The following ELMO1 variants were observed in gnomAD, a reference collection of about 807,000 sequenced individuals.
The protein encoded by ELMO1 is engulfment and cell motility protein 1.
Under a neutral mutation model 98.9 loss-of-function variants are expected in ELMO1, and 26 were observed. The observed-to-expected ratio is 0.26, with a 90% CI of 0.19 to 0.36. The LOEUF (loss-of-function observed/expected upper bound fraction) is 0.36, where lower values mean the gene tolerates loss of function less well. Ranked by LOEUF, ELMO1 falls within the 10% of genes least tolerant of loss-of-function variation. The probability of loss-of-function intolerance (pLI) is 1.00; values close to 1 mark genes in which losing one functional copy is unlikely to be tolerated. For synonymous variants in ELMO1, 346 were observed against 346.0 expected (o/e 1.00, Z 0.00); for missense variants, 627 against 935.2 (o/e 0.67, Z 4.30).
intron 16 of ELMO1, among the ~76,000 whole-genome samples, chr7:37,004,518 T>G (rs1792909490): frequency 6.6e-6 from 1 of 152,168 alleles, no homozygotes; most frequent in East Asian, 1.9e-4. Context: ...TCCTCCTAAT[T>G]GGCAAATCTC....
At chr7:37,225,728 A>G (rs1274713226) in intron 8 of ELMO1, among the ~76,000 whole-genome samples, 1 of 152,212 alleles carries the variant, frequency 6.6e-6, no homozygotes, top group Non-Finnish European at 1.5e-5. Context: ...ATTAATCACT[A>G]AATCCCCAAA....
At chr7:37,133,060 C>T (rs940501891) in intron 14 of ELMO1, 70 bp downstream of exon 14, 38 of 1,201,368 alleles carry the variant, frequency 3.2e-5, no homozygotes, top group East Asian at 1.6e-4. Context: ...GTAATCCCTC[C>T]GTATTTGTGA....
At position 36,930,149 on chromosome 7, in the gene ELMO1, C is replaced by G. The variant is rs753176752; in HGVS notation, c.1438-35132G>C. On this transcript the variant is annotated intron_variant, in intron 16 of 21. Coordinates refer to ENST00000310758, the MANE Select transcript of ELMO1 (RefSeq NM_014800.11). ...CAACTGAACTGACTACCCTGGTGTA[C>G]GGGTCTCCCCAGCCCATGGGCAAGC... 4.6e-5 allele frequency among the ~76,000 whole-genome samples: 7 copies of G among 152,192 alleles called. No individual in the cohort carries two copies. The East Asian group carries it at 1.2e-3, about 25-fold the overall frequency.
chr7:37,369,803 A>C (rs905983048), intron 1 of ELMO1, among the ~76,000 whole-genome samples: 1 of 152,152 alleles, frequency 6.6e-6, no homozygotes, highest in African/African-American at 2.4e-5. Context: ...ATATTGAGAG[A>C]AGATATCTTC....
chr7:36,870,477 T>C lies in ELMO1; in HGVS notation c.1823-2A>G. 6.2e-7 allele frequency: 1 copy of C among 1,612,928 alleles called. No individual in the cohort carries two copies. The highest frequency in any genetic ancestry group is 8.5e-7 in the Non-Finnish European group (1 of 1,179,634). On this transcript the variant is annotated splice_acceptor_variant, in intron 19 of 21. Coordinates refer to ENST00000310758, the MANE Select transcript of ELMO1 (RefSeq NM_014800.11). LOFTEE classifies it high-confidence loss of function. This position sits in a 1 kb window ranked among gnomAD's most constrained non-coding sequence, Gnocchi z 4.4. ...CGGCTTTGATATCTGCCACCGGCAC[T>C]GCAATTCATAAAAGAAAATGCAAGT...
intron 6 of ELMO1, among the ~76,000 whole-genome samples, chr7:37,254,918 C>T (rs890354270): frequency 2.7e-4 from 41 of 152,254 alleles, no homozygotes; most frequent in African/African-American, 9.4e-4. Flanking sequence ...GACCTGCTGT[C>T]CCCCATCCTG....
At chr7:37,140,179 T>A (rs1471127209) in intron 13 of ELMO1, among the ~76,000 whole-genome samples, 1 of 147,880 alleles carries the variant, frequency 6.8e-6, no homozygotes, top group Non-Finnish European at 1.5e-5. Context: ...AGCGAGACCA[T>A]CCTGGCTAAC....
chr7:36,879,356 C>T (rs566558634), intron 18 of ELMO1, among the ~76,000 whole-genome samples: 7 of 152,326 alleles, frequency 4.6e-5, no homozygotes, highest in Non-Finnish European at 8.8e-5. Context: ...ACCTACAAGC[C>T]CCTTTGCACC....
chr7:37,048,230 C>G (rs537972006), intron 15 of ELMO1, among the ~76,000 whole-genome samples: 87 of 152,322 alleles, frequency 5.7e-4, no homozygotes, highest in African/African-American at 1.9e-3. Context: ...TTGGGACAAC[C>G]AAAAGTGTCT....
intron 15 of ELMO1, among the ~76,000 whole-genome samples, chr7:37,069,867 T>C (rs1163366417): frequency 6.6e-6 from 1 of 152,230 alleles, no homozygotes; most frequent in Non-Finnish European, 1.5e-5. Flanking sequence ...TTATGTGAAG[T>C]TACTCCAATT....
chr7:37,447,584 T>C (rs1272280884), intron 1 of ELMO1, among the ~76,000 whole-genome samples: 1 of 149,014 alleles, frequency 6.7e-6, no homozygotes, highest in Non-Finnish European at 1.5e-5. Flanking sequence ...GGGCGGGGAG[T>C]TCCTGGCTGT....
chr7:36,863,180 G>A (rs547218851), intron 20 of ELMO1, among the ~76,000 whole-genome samples: 25 of 152,204 alleles, frequency 1.6e-4, no homozygotes, highest in Middle Eastern at 3.4e-3. Flanking sequence ...AACAAGCGAA[G>A]GAAAGAATGC....
intron 16 of ELMO1, among the ~76,000 whole-genome samples, chr7:36,994,873 G>C (rs1792097023): frequency 6.6e-6 from 1 of 152,200 alleles, no homozygotes; most frequent in African/African-American, 2.4e-5. Context: ...CTAAGATGCT[G>C]GGCACTAGCT....
At chr7:37,141,203 C>T (rs1309602832) in intron 13 of ELMO1, among the ~76,000 whole-genome samples, 1 of 152,114 alleles carries the variant, frequency 6.6e-6, no homozygotes, top group African/African-American at 2.4e-5. Context: ...TATGACTCAG[C>T]CATAAAAGAG....
At chr7:37,279,231 A>AC (rs1797013085) in intron 4 of ELMO1, among the ~76,000 whole-genome samples, 1 of 151,788 alleles carries the variant, frequency 6.6e-6, no homozygotes. Flanking sequence ...AAACAAACAA[A>AC]AAGTGTGTGA....
At chr7:37,224,753 T>C in intron 9 of ELMO1, 126 bp downstream of exon 9, 5 of 1,383,722 alleles carry the variant, frequency 3.6e-6, no homozygotes, top group Non-Finnish European at 4.9e-6. Flanking sequence ...TTTGGTTATA[T>C]GCCAAATTGA....
At chr7:37,152,753 T>A (rs772244036) in intron 13 of ELMO1, among the ~76,000 whole-genome samples, 3 of 151,986 alleles carry the variant, frequency 2.0e-5, no homozygotes, top group Non-Finnish European at 2.9e-5. Context: ...AAGAAGAAAA[T>A]GAAAGGAACA....
At chr7:37,293,082 G>A (rs1470990630) in intron 4 of ELMO1, among the ~76,000 whole-genome samples, 2 of 15,766 alleles carry the variant, frequency 1.3e-4, no homozygotes, top group African/African-American at 1.6e-4. Flanking sequence ...CGCCCCGTCC[G>A]GGAGGGAGGT....
rs5883589 is a variant in ELMO1 at position 37,132,989 on chromosome 7, A to ATT, written c.1191+139_1191+140dup. ...CCCTGATTGATCTCACTTAATTCTG[A>ATT]TTTTTTTTTTTTTTTTAGTTTACTA... On this transcript the variant is annotated intron_variant, in intron 14 of 21. Coordinates refer to ENST00000310758, the MANE Select transcript of ELMO1 (RefSeq NM_014800.11). 1.4e-3 allele frequency: 649 copies of ATT among 450,458 alleles called. 1 individual carries two copies. Among genetic ancestry groups the ATT allele is most frequent in the Non-Finnish European group, 1.6e-3 (431 of 267,044 alleles). The allele number at this position is 450,458 out of a possible 1,614,324, so 27.9% of individuals were successfully genotyped here. A position where few individuals can be genotyped will look rare whatever the true frequency, so the allele number is the denominator to read the frequency against.
Sources: gnomAD v4.1 joint callset for allele counts (sites outside exome capture counted in the v4.1 genomes callset) on GRCh38, gnomAD v4.1.1 for gene constraint, Gnocchi (gnomAD v3.1) non-coding constraint, MANE v1.5 for transcripts, NCBI Gene and HGNC (gene_info 2026-07-23, HGNC 2026-07-21) for gene names.